AFF1: variants seen among roughly 807,000 people sequenced by gnomAD.
AFF1 encodes ALF transcription elongation factor 1, also known as AF4/FMR2 family member 1.
In AFF1, 48 loss-of-function variants were observed where a neutral mutation model predicts 121.7. That is an observed-to-expected ratio of 0.39 (90% confidence interval 0.31 to 0.50). The LOEUF (loss-of-function observed/expected upper bound fraction) is 0.50. Among genes scored for constraint, AFF1 ranks in the 20% least tolerant of loss-of-function variants. The probability of loss-of-function intolerance (pLI) is 0.76; values close to 1 mark genes in which losing one functional copy is unlikely to be tolerated. For synonymous variants in AFF1, 613 were observed against 563.0 expected, an observed-to-expected ratio of 1.09 and a Z score of -1.26; for missense variants, 1,523 against 1,511.7, an observed-to-expected ratio of 1.01 and a Z score of -0.12.
At chr4:86,940,666 C>T (rs1376250645) in intron 1 of AFF1, among the ~76,000 whole-genome samples, 4 of 152,152 alleles carry the variant, frequency 2.6e-5, no homozygotes, top group Non-Finnish European at 5.9e-5. Context: ...TCCCAAAGTG[C>T]TGGGATTACA....
intron 4 of AFF1, among the ~76,000 whole-genome samples, chr4:87,064,207 G>A (rs967932870): frequency 2.0e-5 from 3 of 152,172 alleles, no homozygotes; most frequent in Non-Finnish European, 4.4e-5. Flanking sequence ...GTACTGAACT[G>A]AACACTGATG....
intron 2 of AFF1, among the ~76,000 whole-genome samples, chr4:86,954,917 A>C (rs924502511): frequency 6.6e-6 from 1 of 152,178 alleles, no homozygotes; most frequent in African/African-American, 2.4e-5. Flanking sequence ...TCTTCTGTTC[A>C]ATATATTTAA....
chr4:86,964,913 A>T (rs1220096966), intron 2 of AFF1, among the ~76,000 whole-genome samples: 2 of 152,134 alleles, frequency 1.3e-5, no homozygotes, highest in African/African-American at 4.8e-5. Flanking sequence ...TTTATACCAA[A>T]GACCTATTTA....
At chr4:87,042,622 GA>G (rs1288175898) in intron 2 of AFF1, among the ~76,000 whole-genome samples, 1 of 152,148 alleles carries the variant, frequency 6.6e-6, no homozygotes, top group Non-Finnish European at 1.5e-5. Flanking sequence ...ATCATAAAAA[GA>G]AAATTTGTCT....
chr4:87,137,099 T>G lies in AFF1; in HGVS notation c.*1398T>G, dbSNP rs952711792. 2 of 225,586 alleles carry G rather than the reference T, an allele frequency of 8.9e-6. No individual in the cohort carries two copies. The highest frequency in any genetic ancestry group is 1.3e-4 in the East Asian group (2 of 15,480). The allele number at this position is 225,586 out of a possible 1,614,324, so 14.0% of individuals were successfully genotyped here. On this transcript the variant is annotated 3_prime_UTR_variant, in exon 21 of 21. Transcript: ENST00000395146. ...CAGATTTTTCTTTTTCATTGAAACT[T>G]TAAAGGTTATTATTGGAAACATTAC...
chr4:87,132,506 T>C, intron 19 of AFF1, 98 bp downstream of exon 19: 1 of 1,275,490 alleles, frequency 7.8e-7, no homozygotes, highest in Non-Finnish European at 1.0e-6. Flanking sequence ...TATGTCACTT[T>C]GCCTTTTCAA....
intron 2 of AFF1, among the ~76,000 whole-genome samples, chr4:87,022,543 GATATATATATATATATAT>G (rs1156817444): frequency 0.02 from 1,610 of 80,176 alleles, 89 homozygotes; most frequent in African/African-American, 0.061. Flanking sequence ...CGTGCTTACA[GATATATATATATATATAT>G]ATATATATAT....
At chr4:87,118,958 C>T (rs1375888413) in intron 12 of AFF1, among the ~76,000 whole-genome samples, 1 of 152,118 alleles carries the variant, frequency 6.6e-6, no homozygotes, top group Non-Finnish European at 1.5e-5. Flanking sequence ...CCATTGGTTT[C>T]CCATTGGTTC....
intron 2 of AFF1, among the ~76,000 whole-genome samples, chr4:87,022,792 T>C (rs1728159455): frequency 6.6e-6 from 1 of 150,978 alleles, no homozygotes; most frequent in Non-Finnish European, 1.5e-5. Context: ...ACATATCACG[T>C]GTGTGTATAT....
intron 8 of AFF1, among the ~76,000 whole-genome samples, chr4:87,097,049 G>A (rs898154361): frequency 2.0e-5 from 3 of 152,218 alleles, no homozygotes; most frequent in Non-Finnish European, 4.4e-5. Flanking sequence ...GACCACAACT[G>A]TAAGAATTCT....
intron 13 of AFF1, among the ~76,000 whole-genome samples, chr4:87,125,817 C>T (rs374593222): frequency 2.0e-5 from 3 of 152,206 alleles, no homozygotes; most frequent in South Asian, 2.1e-4. Flanking sequence ...GGAAAGGCAC[C>T]GGTTGGGAAG....
rs558751498 is a variant in AFF1, at chr4:87,011,089, A to G, written c.39-35077A>G. The stretch of plus-strand genomic sequence containing the variant: ...GTGAGACTCCGTCTCAAAAAAAAAA[A>G]AAAAAAAAGAAAAAAAAAATCACCT... On this transcript the variant is annotated intron_variant, in intron 2 of 20. Coordinates refer to ENST00000395146, the MANE Select transcript of AFF1 (RefSeq NM_001166693.3). 2.7e-5 allele frequency among the ~76,000 whole-genome samples: 4 copies of G among 149,602 alleles called. No individual in the cohort carries two copies. The South Asian group carries it at 8.3e-4, about 31-fold the overall frequency.
intron 4 of AFF1, among the ~76,000 whole-genome samples, chr4:87,072,188 C>A (rs899695499): frequency 6.6e-6 from 1 of 151,958 alleles, no homozygotes; most frequent in African/African-American, 2.4e-5. Flanking sequence ...ACGGTGAAGA[C>A]CCGTCTCTAC....
chr4:87,046,290 T>C lies in AFF1; in HGVS notation c.159+4T>C, dbSNP rs1730682870. The stretch of plus-strand genomic sequence containing the variant: ...CCTTTTTGGAGAGCCCTACAAGGTA[T>C]TTACTGAACACTAGACATTGAAGTC... On this transcript the variant is annotated splice_donor_region_variant and intron_variant, in intron 3 of 20. Coordinates refer to ENST00000395146, the MANE Select transcript of AFF1 (RefSeq NM_001166693.3). 1 of 1,610,114 alleles carries C rather than the reference T, an allele frequency of 6.2e-7. No individual in the cohort carries two copies. Among genetic ancestry groups the C allele is most frequent in the East Asian group, 2.2e-5 (1 of 44,830 alleles).
chr4:87,071,193 A>C (rs62306529), intron 4 of AFF1, among the ~76,000 whole-genome samples: 1 of 148,902 alleles, frequency 6.7e-6, no homozygotes, highest in Admixed American at 6.6e-5. Context: ...TTTTTTTTAA[A>C]TACAGGGTTC....
intron 11 of AFF1, among the ~76,000 whole-genome samples, chr4:87,109,865 A>G (rs1282334777): frequency 1.3e-5 from 2 of 152,188 alleles, no homozygotes; most frequent in Non-Finnish European, 2.9e-5. Context: ...AAAGGCTAGT[A>G]TTGTTATGTA....
intron 2 of AFF1, among the ~76,000 whole-genome samples, chr4:86,986,449 A>G (rs1168845192): frequency 6.6e-6 from 1 of 152,196 alleles, no homozygotes; most frequent in East Asian, 1.9e-4. Context: ...AATGAGGTAT[A>G]GACTAACCAC....
At chr4:87,118,339 A>G (rs1156429649) in intron 12 of AFF1, among the ~76,000 whole-genome samples, 1 of 152,244 alleles carries the variant, frequency 6.6e-6, no homozygotes, top group African/African-American at 2.4e-5. Flanking sequence ...ACAGTGGGTA[A>G]GGAACAATGC....
chr4:87,063,379 A>G (rs2149658960), intron 4 of AFF1, among the ~76,000 whole-genome samples: 1 of 151,614 alleles, frequency 6.6e-6, no homozygotes, highest in East Asian at 1.9e-4. Context: ...TAGCTGGGAT[A>G]ATAAGCATGC....
Sources: allele counts gnomAD v4.1 joint callset (sites outside exome capture counted in the v4.1 genomes callset), GRCh38; gene constraint gnomAD v4.1.1; transcripts MANE v1.5; gene names NCBI Gene and HGNC (gene_info 2026-07-23, HGNC 2026-07-21).